Variants in HMCN1 observed in about 807,000 individuals in gnomAD.
The protein encoded by HMCN1 is hemicentin-1.
A neutral mutation model predicts 625.9 loss-of-function variants in HMCN1; 321 were observed. The ratio of observed to expected loss-of-function variants is 0.51; its 90% CI spans 0.47 to 0.56. The LOEUF (loss-of-function observed/expected upper bound fraction) is 0.56, where lower values mean the gene tolerates loss of function less well. Among genes scored for constraint, HMCN1 ranks in the 20% least tolerant of loss-of-function variants. The pLI is 0.00. For missense variants in HMCN1, 6,588 were observed against 6,887.3 expected, an observed-to-expected ratio of 0.96 and a Z score of 1.54; for synonymous variants, 2,425 against 2,417.6, an observed-to-expected ratio of 1.00 and a Z score of -0.09.
intron 106 of HMCN1, among the ~76,000 whole-genome samples, chr1:186,188,537 T>C (rs1653501252): frequency 6.6e-6 from 1 of 152,218 alleles, no homozygotes; most frequent in African/African-American, 2.4e-5. Flanking sequence ...CTGAATAAAC[T>C]ACCATTCTGT....
chr1:185,922,481 G>A lies in HMCN1; in HGVS notation c.1003G>A (p.Val335Ile). ...GCCCACCCTGGACTTCAAAAAAACAGTCAGCAGACCAGTGCAAGGTTTGTA... is the reference window on the plus strand; with the variant it reads ...GCCCACCCTGGACTTCAAAAAAACAATCAGCAGACCAGTGCAAGGTTTGTA... ...RKPTLDFKKT[V>I]SRPVQGIPTY... The change falls in exon 7 of 107, where the codon GTC becomes ATC. Residue 335 changes from valine (V) to isoleucine (I), a missense_variant. Coordinates refer to ENST00000271588, the MANE Select transcript of HMCN1 (RefSeq NM_031935.3). 1 of 1,613,146 alleles carries A rather than the reference G, an allele frequency of 6.2e-7. No homozygotes were observed. Among genetic ancestry groups the A allele is most frequent in the South Asian group, 1.1e-5 (1 of 90,960 alleles).
rs1453431098 is a variant in HMCN1, at chr1:186,125,168, T to A, written c.12500-436T>A. Among the ~76,000 whole-genome samples the A allele has an allele frequency of 2.0e-5, 3 of 151,914 alleles. No individual in the cohort carries two copies. In the South Asian group the frequency reaches 6.2e-4, roughly 31 times the overall value. ...GCACTTTGTGATATTCAGTATTGGG[T>A]GAGTGTTTTATAGTGTTTTATGGTG... On this transcript the variant is annotated intron_variant, in intron 81 of 106. Transcript: ENST00000271588.
intron 37 of HMCN1, 25 bp from the exon 38 acceptor site, chr1:186,038,804 T>C (rs537976373): frequency 6.7e-6 from 10 of 1,502,608 alleles, no homozygotes; most frequent in Admixed American, 5.0e-5. Flanking sequence ...TTTACATAGA[T>C]CATCTTCTCC....
chr1:186,154,215 T>C (rs927646145), intron 97 of HMCN1, among the ~76,000 whole-genome samples: 20 of 152,202 alleles, frequency 1.3e-4, no homozygotes, highest in African/African-American at 4.6e-4. Context: ...GGGGTTGCTG[T>C]TGTTCTATTC....
At chr1:185,791,387 G>A (rs1278757267) in intron 1 of HMCN1, among the ~76,000 whole-genome samples, 1 of 152,128 alleles carries the variant, frequency 6.6e-6, no homozygotes, top group Non-Finnish European at 1.5e-5. Context: ...ACATTGTAGA[G>A]TGATGTGGGT....
chr1:186,134,589 C>T (rs1313154083), intron 86 of HMCN1, among the ~76,000 whole-genome samples: 2 of 152,072 alleles, frequency 1.3e-5, no homozygotes, highest in South Asian at 2.1e-4. Context: ...GAGAGTCAAA[C>T]CTCACATGAA....
intron 4 of HMCN1, among the ~76,000 whole-genome samples, chr1:185,877,448 C>G (rs565603667): frequency 1.4e-5 from 2 of 144,442 alleles, no homozygotes. Context: ...GGCTATAGGG[C>G]TCTTTTTTGG....
At chr1:185,862,891 T>C (rs1662959180) in intron 2 of HMCN1, among the ~76,000 whole-genome samples, 2 of 152,214 alleles carry the variant, frequency 1.3e-5, no homozygotes, top group Admixed American at 1.3e-4. Flanking sequence ...TTTTAACAGC[T>C]GATGCTCTGT....
At chr1:186,023,588 T>C (rs1486867859) in intron 36 of HMCN1, among the ~76,000 whole-genome samples, 1 of 152,138 alleles carries the variant, frequency 6.6e-6, no homozygotes, top group East Asian at 1.9e-4. Context: ...AAAGTCTGGG[T>C]GGCCACAGAG....
chr1:185,842,272 A>G (rs1661520502), intron 1 of HMCN1, among the ~76,000 whole-genome samples: 1 of 152,164 alleles, frequency 6.6e-6, no homozygotes, highest in Admixed American at 6.5e-5. Context: ...TAGATTTGAG[A>G]GGCAATTTTC....
intron 1 of HMCN1, among the ~76,000 whole-genome samples, chr1:185,740,281 G>A (rs1653893024): frequency 6.6e-6 from 1 of 152,206 alleles, no homozygotes; most frequent in Non-Finnish European, 1.5e-5. Context: ...CAGAAACAGG[G>A]AGAATAGACA....
chr1:185,911,866 T>A (rs1250861134), intron 6 of HMCN1, 86 bp downstream of exon 6: 1 of 974,178 alleles, frequency 1.0e-6, no homozygotes, highest in African/African-American at 1.6e-5. Flanking sequence ...TTTTTAAACA[T>A]ACACTCTTGC....
At chr1:185,751,855 G>GT (rs1327212329) in intron 1 of HMCN1, among the ~76,000 whole-genome samples, 2 of 150,360 alleles carry the variant, frequency 1.3e-5, no homozygotes, top group Non-Finnish European at 3.0e-5. Context: ...CTTATTTTTT[G>GT]TTTTTTATAA....
chr1:185,769,230 T>A (rs1182200927), intron 1 of HMCN1, among the ~76,000 whole-genome samples: 2 of 152,098 alleles, frequency 1.3e-5, no homozygotes. Flanking sequence ...AGAGGATCAC[T>A]GGAGCCCAGG....
chr1:186,081,238 T>A lies in HMCN1; in HGVS notation c.8631T>A (p.Asp2877Glu), dbSNP rs913131873. Residue 2877 changes from aspartate (D) to glutamate (E), a missense_variant, in exon 56 of 107, where the codon GAT becomes GAA. Asp to Glu is a conservative substitution (Grantham distance 45). Coordinates refer to ENST00000271588, the MANE Select transcript of HMCN1 (RefSeq NM_031935.3). The part of the protein sequence containing the change: ...VPPIIKGANS[D>E]LPEEVTVLVN... ...CAATTATCAAGGGAGCAAATAGTGA[T>A]CTCCCTGAAGAGGTCACCGTGCTGG... is the stretch of plus-strand genomic sequence containing the variant. 1 of 1,613,592 alleles carries A rather than the reference T, an allele frequency of 6.2e-7. No homozygotes were observed. Among genetic ancestry groups the A allele is most frequent in the African/African-American group, 1.3e-5 (1 of 74,890 alleles).
chr1:185,756,752 A>G (rs1156502374), intron 1 of HMCN1, among the ~76,000 whole-genome samples: 1 of 152,194 alleles, frequency 6.6e-6, no homozygotes. Context: ...ATGCACATGT[A>G]ATCAAAAGTT....
chr1:186,089,035 G>C (rs185017810), intron 63 of HMCN1, among the ~76,000 whole-genome samples: 2 of 151,874 alleles, frequency 1.3e-5, no homozygotes, highest in East Asian at 3.9e-4. Context: ...TATATCTATG[G>C]AGTTATACTT....
chr1:185,814,371 C>T (rs929641540), intron 1 of HMCN1, among the ~76,000 whole-genome samples: 5 of 152,028 alleles, frequency 3.3e-5, no homozygotes, highest in African/African-American at 4.8e-5. Flanking sequence ...GGATACTTCC[C>T]GATGTATACT....
intron 1 of HMCN1, among the ~76,000 whole-genome samples, chr1:185,837,872 G>A (rs1156495034): frequency 6.6e-6 from 1 of 152,202 alleles, no homozygotes; most frequent in Non-Finnish European, 1.5e-5. Flanking sequence ...AACAGGAATT[G>A]TGTAATTTGA....
Sources: gnomAD v4.1 joint callset for allele counts (sites outside exome capture counted in the v4.1 genomes callset) on GRCh38, gnomAD v4.1.1 for gene constraint, MANE v1.5 for transcripts, NCBI Gene and HGNC (gene_info 2026-07-23, HGNC 2026-07-21) for gene names.